TENM2: variants seen among roughly 807,000 people sequenced by gnomAD.
TENM2 encodes the protein teneurin transmembrane protein 2.
Under a neutral mutation model 245.2 loss-of-function variants are expected in TENM2, and 52 were observed. That is an observed-to-expected ratio of 0.21 (90% confidence interval 0.17 to 0.27). The LOEUF (loss-of-function observed/expected upper bound fraction) is 0.27. Among genes scored for constraint, TENM2 ranks in the 10% least tolerant of loss-of-function variants. The pLI is 1.00. For synonymous variants in TENM2, 1,363 were observed against 1,438.9 expected, an observed-to-expected ratio of 0.95 and a Z score of 1.19; for missense variants, 3,046 against 3,666.8, an observed-to-expected ratio of 0.83 and a Z score of 4.37.
At chr5:167,435,457 C>G (rs879717567) in intron 2 of TENM2, among the ~76,000 whole-genome samples, 1 of 152,192 alleles carries the variant, frequency 6.6e-6, no homozygotes, top group Non-Finnish European at 1.5e-5. Flanking sequence ...ATGTGCCTTT[C>G]ACCTTCTGCC....
At chr5:167,914,593 G>T (rs77798988) in intron 3 of TENM2, among the ~76,000 whole-genome samples, 2,020 of 152,088 alleles carry the variant, frequency 0.013, 44 homozygotes, top group African/African-American at 0.047. Context: ...CATTTCTCAG[G>T]TCTGCAATTG....
chr5:167,935,759 C>T (rs1275143411), intron 3 of TENM2, among the ~76,000 whole-genome samples: 1 of 152,250 alleles, frequency 6.6e-6, no homozygotes, highest in South Asian at 2.1e-4. Flanking sequence ...CTAGAACAGA[C>T]CAAGTCATTT....
intron 1 of TENM2, among the ~76,000 whole-genome samples, chr5:167,357,468 A>G (rs890700127): frequency 2.6e-5 from 4 of 151,866 alleles, no homozygotes; most frequent in African/African-American, 9.7e-5. Flanking sequence ...TTTTTAGTAG[A>G]GACGGGATCT....
At chr5:168,146,685 A>G (rs1756112872) in intron 12 of TENM2, among the ~76,000 whole-genome samples, 1 of 152,198 alleles carries the variant, frequency 6.6e-6, no homozygotes, top group African/African-American at 2.4e-5. Context: ...CCTCTCTTCT[A>G]ATCCTCATGT....
At chr5:168,057,775 A>C (rs1158572815) in intron 6 of TENM2, among the ~76,000 whole-genome samples, 1 of 152,162 alleles carries the variant, frequency 6.6e-6, no homozygotes, top group Non-Finnish European at 1.5e-5. Flanking sequence ...TTTCATATAG[A>C]GCTTCTAAAA....
intron 2 of TENM2, among the ~76,000 whole-genome samples, chr5:167,396,151 A>G (rs1232214795): frequency 1.3e-5 from 2 of 152,180 alleles, no homozygotes; most frequent in Non-Finnish European, 2.9e-5. Flanking sequence ...AAAGGGATAG[A>G]TGCACCCCCA....
At chr5:167,149,125 G>C in the TENM2 span, among the ~76,000 whole-genome samples, 1 of 152,070 alleles carries the variant, frequency 6.6e-6, no homozygotes, top group South Asian at 2.1e-4. Flanking sequence ...CCATTAACTC[G>C]TTATTTAACA....
At chr5:167,507,472 C>G (rs1382675656) in intron 2 of TENM2, among the ~76,000 whole-genome samples, 1 of 152,098 alleles carries the variant, frequency 6.6e-6, no homozygotes, top group Non-Finnish European at 1.5e-5. Context: ...TATAAAATTT[C>G]CAACTTCTAA....
chr5:167,197,588 G>T, the TENM2 span, among the ~76,000 whole-genome samples: 1 of 152,072 alleles, frequency 6.6e-6, no homozygotes, highest in East Asian at 1.9e-4. Flanking sequence ...TACCCAGCCG[G>T]TACAGAACAT....
At chr5:167,079,417 G>T in the TENM2 span, among the ~76,000 whole-genome samples, 3 of 150,908 alleles carry the variant, frequency 2.0e-5, no homozygotes, top group Non-Finnish European at 2.9e-5. Flanking sequence ...AGGTTCAAGA[G>T]ATTCTCCTGT....
the TENM2 span, among the ~76,000 whole-genome samples, chr5:167,216,840 T>C: frequency 1.3e-5 from 2 of 151,966 alleles, no homozygotes; most frequent in Non-Finnish European, 2.9e-5. Flanking sequence ...GGTGGGAGAA[T>C]TGCTTCAGCT....
chr5:168,195,798 G>A (rs560982413), intron 15 of TENM2, among the ~76,000 whole-genome samples: 17 of 152,124 alleles, frequency 1.1e-4, no homozygotes, highest in Admixed American at 5.9e-4. Flanking sequence ...AGGGGGTGGC[G>A]TGTAATCAGA....
chr5:167,850,819 T>C (rs980190947), intron 2 of TENM2, among the ~76,000 whole-genome samples: 3 of 152,136 alleles, frequency 2.0e-5, no homozygotes, highest in African/African-American at 7.2e-5. Context: ...CTTCATTTTT[T>C]CCCCAATTAG....
intron 2 of TENM2, among the ~76,000 whole-genome samples, chr5:167,435,174 A>T (rs1006255501): frequency 4.6e-5 from 7 of 152,220 alleles, no homozygotes; most frequent in African/African-American, 1.7e-4. Flanking sequence ...GGAATAATGT[A>T]ATCAGAGAGA....
At chr5:167,004,890 C>T in the TENM2 span, among the ~76,000 whole-genome samples, 1 of 152,066 alleles carries the variant, frequency 6.6e-6, no homozygotes, top group East Asian at 1.9e-4. Flanking sequence ...GTTAAATAAG[C>T]ATTCAGGCTA....
At chr5:167,522,893 G>A (rs1056113022) in intron 2 of TENM2, among the ~76,000 whole-genome samples, 8 of 151,324 alleles carry the variant, frequency 5.3e-5, no homozygotes, top group East Asian at 1.9e-4. Flanking sequence ...TAGGGCTGCC[G>A]TAATGAATTA....
the TENM2 span, among the ~76,000 whole-genome samples, chr5:167,224,134 A>C: frequency 1.2e-4 from 18 of 151,908 alleles, no homozygotes; most frequent in African/African-American, 4.3e-4. Flanking sequence ...TCTCCTTTTC[A>C]AAAGGTTACC....
chr5:167,270,227 A>C, the TENM2 span, among the ~76,000 whole-genome samples: 1 of 152,144 alleles, frequency 6.6e-6, no homozygotes, highest in South Asian at 2.1e-4. Context: ...AGAGCTCAGA[A>C]ATACAGCAAC....
the TENM2 span, among the ~76,000 whole-genome samples, chr5:167,235,942 G>T: frequency 6.6e-6 from 1 of 152,148 alleles, no homozygotes; most frequent in East Asian, 1.9e-4. Flanking sequence ...AATTGAGTTT[G>T]CTTTTATTGC....
Sources: allele counts gnomAD v4.1 joint callset (sites outside exome capture counted in the v4.1 genomes callset), GRCh38; gene constraint gnomAD v4.1.1; transcripts MANE v1.5; gene names NCBI Gene and HGNC (gene_info 2026-07-23, HGNC 2026-07-21).